The following ZNF385B variants were observed in gnomAD, a reference collection of about 807,000 sequenced individuals.
The protein encoded by ZNF385B is zinc finger protein 533.
In ZNF385B, 23 loss-of-function variants were observed where a neutral mutation model predicts 39.2. That is an observed-to-expected ratio of 0.59 (90% CI 0.42 to 0.83). ZNF385B has a LOEUF of 0.83. Among genes scored for constraint, ZNF385B ranks in the 40% least tolerant of loss-of-function variants. The pLI, the probability that ZNF385B is intolerant of heterozygous loss-of-function variation, is 0.00. For missense variants in ZNF385B, 552 were observed against 598.9 expected (o/e 0.92, Z 0.82); for synonymous variants, 205 against 222.6 (o/e 0.92, Z 0.70).
rs978446958 is a variant in ZNF385B at position 179,552,485 on chromosome 2, T to C, written c.299-7516A>G. Among the ~76,000 whole-genome samples, 29 of 149,354 alleles carry C rather than the reference T, an allele frequency of 1.9e-4. 3 individuals carry two copies. The highest frequency in any genetic ancestry group is 7.3e-4 in the African/African-American group (29 of 39,716). On this transcript the variant is annotated intron_variant, in intron 3 of 9. Coordinates refer to ENST00000410066, the MANE Select transcript of ZNF385B (RefSeq NM_152520.6). Reference sequence around the variant, plus strand: ...TAAAAACCTGTTAGGGGAGGCAACATCAATTATAGAACTCCAAAAGATTTC... The same window carrying C: ...TAAAAACCTGTTAGGGGAGGCAACACCAATTATAGAACTCCAAAAGATTTC...
At chr2:179,461,148 A>C (rs2105470885) in intron 6 of ZNF385B, among the ~76,000 whole-genome samples, 1 of 152,290 alleles carries the variant, frequency 6.6e-6, no homozygotes, top group Non-Finnish European at 1.5e-5. Flanking sequence ...GCAGGATGTG[A>C]GGTGGAGGAG....
chr2:179,595,668 C>T (rs973933221), intron 3 of ZNF385B, among the ~76,000 whole-genome samples: 1 of 150,830 alleles, frequency 6.6e-6, no homozygotes, highest in Non-Finnish European at 1.5e-5. Context: ...CTCTGTTGCC[C>T]AGGCTGGAGT....
intron 3 of ZNF385B, among the ~76,000 whole-genome samples, chr2:179,721,193 C>T (rs1700678483): frequency 6.6e-6 from 1 of 151,846 alleles, no homozygotes; most frequent in Admixed American, 6.6e-5. Context: ...ACAATGTTAG[C>T]AATGAAAAGA....
At chr2:179,682,251 A>G (rs1179002146) in intron 3 of ZNF385B, among the ~76,000 whole-genome samples, 1 of 152,156 alleles carries the variant, frequency 6.6e-6, no homozygotes, top group African/African-American at 2.4e-5. Context: ...CTTTCAGCAG[A>G]TCCAGAATGC....
chr2:179,550,602 A>C (rs1486650391), intron 3 of ZNF385B, among the ~76,000 whole-genome samples: 1 of 149,846 alleles, frequency 6.7e-6, no homozygotes, highest in Non-Finnish European at 1.5e-5. Flanking sequence ...TCTTCTGAAT[A>C]AATATAAACT....
chr2:179,660,583 C>G (rs1021822156), intron 3 of ZNF385B, among the ~76,000 whole-genome samples: 1 of 152,006 alleles, frequency 6.6e-6, no homozygotes, highest in African/African-American at 2.4e-5. Flanking sequence ...TGCATCTTAT[C>G]TCACCAATGA....
chr2:179,703,331 G>A (rs1699349905), intron 3 of ZNF385B, among the ~76,000 whole-genome samples: 1 of 152,078 alleles, frequency 6.6e-6, no homozygotes, highest in Non-Finnish European at 1.5e-5. Flanking sequence ...CCTCCCTTAA[G>A]GAAACAGACT....
At chr2:179,544,702 G>T in intron 4 of ZNF385B, 125 bp downstream of exon 4, 1 of 1,172,784 alleles carries the variant, frequency 8.5e-7, no homozygotes, top group Non-Finnish European at 1.2e-6. Flanking sequence ...GCACAACTGA[G>T]CAGCATAACC....
intron 4 of ZNF385B, among the ~76,000 whole-genome samples, chr2:179,544,187 A>G (rs1038886500): frequency 1.3e-5 from 2 of 152,210 alleles, no homozygotes; most frequent in Non-Finnish European, 2.9e-5. Context: ...TTTTCATTCA[A>G]ATAAAAGAAG....
intron 3 of ZNF385B, among the ~76,000 whole-genome samples, chr2:179,745,164 G>C (rs1702304177): frequency 6.6e-6 from 1 of 151,952 alleles, no homozygotes; most frequent in Non-Finnish European, 1.5e-5. Context: ...AATTACTGTT[G>C]GTTGTCCAGT....
At chr2:179,651,737 C>T (rs141913390) in intron 3 of ZNF385B, among the ~76,000 whole-genome samples, 2 of 151,948 alleles carry the variant, frequency 1.3e-5, no homozygotes, top group African/African-American at 2.4e-5. Flanking sequence ...CTGAATGTTG[C>T]CTTGCAGAGA....
intron 3 of ZNF385B, among the ~76,000 whole-genome samples, chr2:179,679,291 T>C (rs1479287094): frequency 1.3e-5 from 2 of 152,258 alleles, no homozygotes; most frequent in Non-Finnish European, 2.9e-5. Flanking sequence ...TCTAGGTTTA[T>C]GTAACTACAC....
At chr2:179,525,592 C>T (rs1256793684) in intron 4 of ZNF385B, among the ~76,000 whole-genome samples, 1 of 152,188 alleles carries the variant, frequency 6.6e-6, no homozygotes, top group Non-Finnish European at 1.5e-5. Flanking sequence ...TAAGTATCAA[C>T]TTTTAAACTG....
At chr2:179,579,337 T>G (rs1686216498) in intron 3 of ZNF385B, among the ~76,000 whole-genome samples, 1 of 152,024 alleles carries the variant, frequency 6.6e-6, no homozygotes, top group African/African-American at 2.4e-5. Context: ...AGATAAAAAC[T>G]AAGAATACCA....
In ZNF385B at chr2:179,611,852, T is replaced by C. The variant is rs201988594; in HGVS notation, c.299-66883A>G. Among the ~76,000 whole-genome samples the C allele has an allele frequency of 3.3e-5, 5 of 152,284 alleles. No individual in the cohort carries two copies. In the East Asian group the frequency reaches 7.7e-4, roughly 23 times the overall value. ...GTAGCCTCTAATGATCCCTTGAGTTTTTGTGGTATCGATTGTAATGTCTCC... is the reference window on the plus strand; with the variant it reads ...GTAGCCTCTAATGATCCCTTGAGTTCTTGTGGTATCGATTGTAATGTCTCC... On this transcript the variant is annotated intron_variant, in intron 3 of 9. Coordinates refer to ENST00000410066, the MANE Select transcript of ZNF385B (RefSeq NM_152520.6).
chr2:179,541,371 T>G (rs1323881177), intron 4 of ZNF385B, among the ~76,000 whole-genome samples: 2 of 152,166 alleles, frequency 1.3e-5, no homozygotes, highest in Non-Finnish European at 2.9e-5. Flanking sequence ...AAGATCTCAT[T>G]TCATTCTTGC....
chr2:179,607,515 T>C (rs1411596100), intron 3 of ZNF385B, among the ~76,000 whole-genome samples: 1 of 152,176 alleles, frequency 6.6e-6, no homozygotes, highest in Non-Finnish European at 1.5e-5. Flanking sequence ...GTGAGTCAAT[T>C]AAACCTCTTT....
intron 1 of ZNF385B, among the ~76,000 whole-genome samples, chr2:179,860,545 C>T (rs964585027): frequency 6.6e-6 from 1 of 152,128 alleles, no homozygotes; most frequent in Admixed American, 6.5e-5. Context: ...CCCGTCAGGG[C>T]TCCCAACAAG....
At chr2:179,746,134 T>C (rs1231354134) in intron 3 of ZNF385B, 1 of 678,478 alleles carries the variant, frequency 1.5e-6, no homozygotes, top group Admixed American at 6.2e-5. Context: ...TGTGATCAAA[T>C]TCAAGCAAAC....
Sources: gnomAD v4.1 joint callset for allele counts (sites outside exome capture counted in the v4.1 genomes callset) on GRCh38, gnomAD v4.1.1 for gene constraint, MANE v1.5 for transcripts, NCBI Gene and HGNC (gene_info 2026-07-23, HGNC 2026-07-21) for gene names.